The following RBFOX1 variants were observed in gnomAD, a reference collection of about 807,000 sequenced individuals.
RBFOX1 encodes RNA binding fox-1 homolog 1, also known as RNA binding protein fox-1 homolog 1.
A neutral mutation model predicts 57.7 loss-of-function variants in RBFOX1; 8 were observed. That is an observed-to-expected ratio of 0.14 (90% confidence interval 0.08 to 0.25). The LOEUF (loss-of-function observed/expected upper bound fraction) is 0.25. Ranked by LOEUF, RBFOX1 falls within the 10% of genes least tolerant of loss-of-function variation. RBFOX1 has a pLI of 1.00. For missense variants in RBFOX1, 611 were observed against 548.5 expected (o/e 1.11, Z -1.14); for synonymous variants, 326 against 222.4 (o/e 1.47, Z -4.15).
intron 1 of RBFOX1, among the ~76,000 whole-genome samples, chr16:5,425,038 T>C (rs1214633872): frequency 6.9e-6 from 1 of 144,396 alleles, no homozygotes; most frequent in Non-Finnish European, 1.5e-5. Context: ...CCTCCCTCCC[T>C]CTCTCTCTCT....
rs575722172 is a variant in RBFOX1 at position 6,269,621 on chromosome 16, A to G, written c.-126-47374A>G. On this transcript the variant is annotated intron_variant, in intron 1 of 15. Transcript: ENST00000550418. ...GAAAGAAAATACTTGTCAACTCAGA[A>G]TTCTGTATTGAGTGAAAATCTCCTT... Among the ~76,000 whole-genome samples the G allele has an allele frequency of 4.9e-4, 74 of 152,344 alleles. 1 individual carries two copies. Among genetic ancestry groups the G allele is most frequent in the Non-Finnish European group, 9.1e-4 (62 of 68,032 alleles).
chr16:7,236,137 C>T (rs1476468423), intron 4 of RBFOX1, among the ~76,000 whole-genome samples: 3 of 152,142 alleles, frequency 2.0e-5, no homozygotes, highest in African/African-American at 4.8e-5. Context: ...TGTGTCATAT[C>T]CTGCTCACCT....
intron 3 of RBFOX1, among the ~76,000 whole-genome samples, chr16:6,763,914 T>G (rs2076975437): frequency 6.6e-6 from 1 of 152,206 alleles, no homozygotes; most frequent in Admixed American, 6.5e-5. Flanking sequence ...GCTTAGCGTT[T>G]GTATATGTCC....
chr16:7,669,748 G>A (rs1407534981), intron 13 of RBFOX1, among the ~76,000 whole-genome samples: 1 of 152,176 alleles, frequency 6.6e-6, no homozygotes, highest in East Asian at 1.9e-4. Flanking sequence ...AGATGTGTCA[G>A]TAGCTTTGGG....
At chr16:5,665,849 T>A (rs564334911) in intron 3 of RBFOX1, among the ~76,000 whole-genome samples, 3 of 152,310 alleles carry the variant, frequency 2.0e-5, no homozygotes, top group Middle Eastern at 6.8e-3. Flanking sequence ...TGCTGTGCCC[T>A]GAAAGCCCAC....
At chr16:7,673,649 A>C (rs1486229761) in intron 13 of RBFOX1, among the ~76,000 whole-genome samples, 1 of 152,228 alleles carries the variant, frequency 6.6e-6, no homozygotes, top group Non-Finnish European at 1.5e-5. Context: ...GAAACTTCTC[A>C]GTCCACATGA....
chr16:5,625,706 C>T (rs1392918372), intron 3 of RBFOX1, among the ~76,000 whole-genome samples: 3 of 147,054 alleles, frequency 2.0e-5, no homozygotes, highest in Admixed American at 6.8e-5. Flanking sequence ...TACAGGTGCC[C>T]ACCACCATGC....
At chr16:7,342,144 C>G (rs117230827) in intron 4 of RBFOX1, among the ~76,000 whole-genome samples, 2 of 152,296 alleles carry the variant, frequency 1.3e-5, no homozygotes, top group East Asian at 3.9e-4. Flanking sequence ...AAACCTGAGT[C>G]TGGCCATTAC....
At chr16:7,205,789 T>A (rs757501667) in intron 4 of RBFOX1, among the ~76,000 whole-genome samples, 6 of 152,246 alleles carry the variant, frequency 3.9e-5, no homozygotes, top group Non-Finnish European at 7.3e-5. Flanking sequence ...CTGCAGTGAT[T>A]ATCTGTATGA....
chr16:6,350,444 G>GAAAAAAAAAAAAAAAAAAA (rs569363563), intron 2 of RBFOX1, among the ~76,000 whole-genome samples: 4 of 74,666 alleles, frequency 5.4e-5, no homozygotes, highest in African/African-American at 1.7e-4. Context: ...TCTGTCTCAA[G>GAAAAAAAAAAAAAAAAAAA]AAAAAAAAAA....
intron 3 of RBFOX1, among the ~76,000 whole-genome samples, chr16:6,979,908 T>C (rs2088212080): frequency 6.6e-6 from 1 of 152,120 alleles, no homozygotes; most frequent in Non-Finnish European, 1.5e-5. Context: ...GACAAGATCT[T>C]GTCAAAGAGA....
At chr16:5,245,003 T>A (rs2062261147) in intron 1 of RBFOX1, among the ~76,000 whole-genome samples, 2 of 152,230 alleles carry the variant, frequency 1.3e-5, no homozygotes, top group Non-Finnish European at 2.9e-5. Context: ...GTTTCTCAGT[T>A]GGAAAGGCTT....
chr16:6,389,648 A>C (rs1323531009), intron 2 of RBFOX1, among the ~76,000 whole-genome samples: 2 of 152,182 alleles, frequency 1.3e-5, no homozygotes, highest in African/African-American at 4.8e-5. Context: ...ACTGAAGTTG[A>C]ATGACAAGAG....
At chr16:7,491,784 C>A (rs1003091396) in intron 4 of RBFOX1, among the ~76,000 whole-genome samples, 1 of 152,092 alleles carries the variant, frequency 6.6e-6, no homozygotes, top group Non-Finnish European at 1.5e-5. Flanking sequence ...GCACATGCCA[C>A]CATGCCCAGC....
At chr16:6,244,969 G>A (rs1410731250) in intron 1 of RBFOX1, among the ~76,000 whole-genome samples, 1 of 148,366 alleles carries the variant, frequency 6.7e-6, no homozygotes, top group Non-Finnish European at 1.5e-5. Context: ...TTTCGTTCTG[G>A]AGTCCTTAGT....
intron 2 of RBFOX1, among the ~76,000 whole-genome samples, chr16:6,533,208 A>G (rs185069764): frequency 2.6e-5 from 4 of 152,358 alleles, no homozygotes; most frequent in African/African-American, 7.2e-5. Flanking sequence ...GGACAGATCA[A>G]CTATAGTGAT....
chr16:6,277,830 A>G (rs1940628392), intron 1 of RBFOX1, among the ~76,000 whole-genome samples: 1 of 152,122 alleles, frequency 6.6e-6, no homozygotes. Flanking sequence ...TCTGATTGCG[A>G]TTAGGATTAC....
intron 3 of RBFOX1, among the ~76,000 whole-genome samples, chr16:6,901,520 G>A (rs1222813902): frequency 2.0e-5 from 3 of 152,146 alleles, no homozygotes; most frequent in Non-Finnish European, 2.9e-5. Context: ...GCAAGTTCAT[G>A]TCTAGTTAAG....
At chr16:5,497,332 G>T (rs929633959) in intron 2 of RBFOX1, among the ~76,000 whole-genome samples, 1 of 147,806 alleles carries the variant, frequency 6.8e-6, no homozygotes, top group Non-Finnish European at 1.5e-5. Context: ...TCGGTGAATC[G>T]CTCTACTCTT....
Sources: gnomAD v4.1 joint callset for allele counts (sites outside exome capture counted in the v4.1 genomes callset) on GRCh38, gnomAD v4.1.1 for gene constraint, MANE v1.5 for transcripts, NCBI Gene and HGNC (gene_info 2026-07-23, HGNC 2026-07-21) for gene names.